Variants in KCNQ1 observed in about 807,000 individuals in gnomAD.
KCNQ1 encodes potassium voltage-gated channel subfamily KQT member 1.
KCNQ1 carries 49 observed loss-of-function variants against 72.4 expected under a neutral mutation model. The ratio of observed to expected loss-of-function variants is 0.68; its 90% CI spans 0.54 to 0.86. KCNQ1 has a LOEUF of 0.86. Among genes scored for constraint, KCNQ1 ranks in the 40% least tolerant of loss-of-function variants. The pLI, the probability that KCNQ1 is intolerant of heterozygous loss-of-function variation, is 0.00. For missense variants in KCNQ1, 790 were observed against 945.1 expected (o/e 0.84, Z 2.15); for synonymous variants, 450 against 412.6 (o/e 1.09, Z -1.10).
chr11:2,830,402 G>A lies in KCNQ1; in HGVS notation c.1795-17365G>A, dbSNP rs1482847417. Reference sequence around the variant, plus strand: ...TATCTTAGATGATCTCCAAGGCCCCGGGATCTAAGTCCCTGTTAAGTCCCC... The same window carrying A: ...TATCTTAGATGATCTCCAAGGCCCCAGGATCTAAGTCCCTGTTAAGTCCCC... On this transcript the variant is annotated intron_variant, in intron 15 of 15. Coordinates refer to ENST00000155840, the MANE Select transcript of KCNQ1 (RefSeq NM_000218.3). This position sits in a 1 kb window ranked among gnomAD's most constrained non-coding sequence, Gnocchi z 7.7. 5.9e-5 allele frequency among the ~76,000 whole-genome samples: 9 copies of A among 152,060 alleles called. No homozygotes were observed. The highest frequency in any genetic ancestry group is 1.0e-4 in the Non-Finnish European group (7 of 67,984).
At chr11:2,700,004 C>G (rs1158279310) in intron 11 of KCNQ1, 13 of 398,142 alleles carry the variant, frequency 3.3e-5, no homozygotes, top group Non-Finnish European at 5.8e-5. Context: ...TGCCTGGAGA[C>G]TGCGGCAGCG....
Position 2,661,246 on chromosome 11 carries a change from A to C in KCNQ1, c.1394-715A>C. 2.5e-6 allele frequency: 1 copy of C among 399,198 alleles called. No homozygotes were observed. The highest frequency in any genetic ancestry group is 4.4e-5 in the Admixed American group (1 of 22,810). The allele number at this position is 399,198 out of a possible 1,614,324, so 24.7% of individuals were successfully genotyped here. On this transcript the variant is annotated intron_variant, in intron 10 of 15. Transcript: ENST00000155840. This position sits in a 1 kb window ranked among gnomAD's most constrained non-coding sequence, Gnocchi z 5.9. ...CAGATGAGTACTTAATCCTTTTGCA[A>C]TAAAATATTTAAATGAAGACAAATA...
Position 2,559,601 on chromosome 11 carries a change from A to C in KCNQ1, c.478-11027A>C, listed in dbSNP as rs965191642. On this transcript the variant is annotated intron_variant, in intron 2 of 15. Transcript: ENST00000155840. This position sits in a 1 kb window ranked among gnomAD's most constrained non-coding sequence, Gnocchi z 4.9. ...GATGGGAACGGCCATCCCCATGACG[A>C]CCCAGCAAGTCCCTTGCCTCTCTCG... 3.9e-5 allele frequency among the ~76,000 whole-genome samples: 6 copies of C among 152,124 alleles called. No homozygotes were observed. Among genetic ancestry groups the C allele is most frequent in the African/African-American group, 1.4e-4 (6 of 41,410 alleles).
At chr11:2,530,045 C>T (rs1847592016) in intron 2 of KCNQ1, among the ~76,000 whole-genome samples, 1 of 152,196 alleles carries the variant, frequency 6.6e-6, no homozygotes, top group Non-Finnish European at 1.5e-5. Flanking sequence ...TCACATTGTA[C>T]TCTCATGCTT....
intron 2 of KCNQ1, among the ~76,000 whole-genome samples, chr11:2,555,784 T>C (rs115550857): frequency 0.014 from 2,140 of 152,350 alleles, 58 homozygotes; most frequent in African/African-American, 0.047. Flanking sequence ...CACTGGCACA[T>C]TGAGTTCTGC....
At chr11:2,693,134 C>A (rs1210143311) in intron 11 of KCNQ1, 1 of 398,552 alleles carries the variant, frequency 2.5e-6, no homozygotes, top group South Asian at 1.3e-4. Flanking sequence ...CTGTCAATCA[C>A]CAGATAGCCC....
At chr11:2,628,059 G>A (rs1386569853) in intron 10 of KCNQ1, 1 of 398,584 alleles carries the variant, frequency 2.5e-6, no homozygotes, top group East Asian at 3.6e-5. Context: ...TGAATACTAT[G>A]TTGCTCATTT....
intron 10 of KCNQ1, chr11:2,644,979 G>T: frequency 2.5e-6 from 1 of 398,682 alleles, no homozygotes; most frequent in Non-Finnish European, 4.4e-6. Context: ...CCCAATGGTA[G>T]TGTATGCTGG....
rs989588602 is a variant in KCNQ1, at chr11:2,824,882, C to A, written c.1795-22885C>A. ...CCGGAGGGTACACTGATCAGGGACA[C>A]GAGTTCCCCTGCCGGGCACAGAGCA... On this transcript the variant is annotated intron_variant, in intron 15 of 15. Coordinates refer to ENST00000155840, the MANE Select transcript of KCNQ1 (RefSeq NM_000218.3). The surrounding 1 kb of genome is among the most constrained non-coding windows in gnomAD (Gnocchi z 5.9). Among the ~76,000 whole-genome samples the A allele has an allele frequency of 6.6e-6, 1 of 152,356 alleles. No individual in the cohort carries two copies. The highest frequency in any genetic ancestry group is 1.9e-4 in the East Asian group (1 of 5,180).
At position 2,532,255 on chromosome 11, in the gene KCNQ1, G is replaced by A. The variant is rs2133658721; in HGVS notation, c.477+4237G>A. Among the ~76,000 whole-genome samples, 2 of 152,282 alleles carry A rather than the reference G, an allele frequency of 1.3e-5. 1 individual carries two copies. The highest frequency in any genetic ancestry group is 4.1e-4 in the South Asian group (2 of 4,830). ...CCCCGTGGCTGCGCTAACCCCACAA[G>A]CTCTGCATGGCGCTTCCTGGCCGTG... is the stretch of plus-strand genomic sequence containing the variant. On this transcript the variant is annotated intron_variant, in intron 2 of 15. Coordinates refer to ENST00000155840, the MANE Select transcript of KCNQ1 (RefSeq NM_000218.3).
rs58203092 is a variant in KCNQ1 at position 2,620,948 on chromosome 11, G to GTTTT, written c.1393+32100_1393+32103dup. ...TTTTTTGTTGTTGTTGTTTTGTTTT[G>GTTTT]TTTTTTTTTGTCTGTTTTTTGCTTT... On this transcript the variant is annotated intron_variant, in intron 10 of 15. Coordinates refer to ENST00000155840, the MANE Select transcript of KCNQ1 (RefSeq NM_000218.3). The surrounding 1 kb of genome is among the most constrained non-coding windows in gnomAD (Gnocchi z 4.5). 14,624 of 355,802 alleles carry GTTTT rather than the reference G, an allele frequency of 0.041. 6 individuals are homozygous for GTTTT. The highest frequency in any genetic ancestry group is 0.1 in the East Asian group (2,122 of 21,284). 22.0% of individuals were successfully genotyped at this position (355,802 alleles called of 1,614,324 possible). A position where few individuals can be genotyped will look rare whatever the true frequency, so the allele number is the denominator to read the frequency against.
intron 15 of KCNQ1, among the ~76,000 whole-genome samples, chr11:2,831,622 CCCCCGCTT>C (rs909052193): frequency 6.6e-6 from 1 of 151,426 alleles, no homozygotes; most frequent in African/African-American, 2.4e-5. Flanking sequence ...GCTCCTCTCT[CCCCCGCTT>C]CCTTCCACAT....
Position 2,523,939 on chromosome 11 carries a change from C to T in KCNQ1, c.387-3989C>T, listed in dbSNP as rs538799998. ...AGAGGCTGGGGCAGTGGCGTGGATT[C>T]GGGTGCATGACTCGCAGACATGGCT... On this transcript the variant is annotated intron_variant, in intron 1 of 15. Transcript: ENST00000155840. Among the ~76,000 whole-genome samples, 3 of 151,976 alleles carry T rather than the reference C, an allele frequency of 2.0e-5. No individual in the cohort carries two copies. The East Asian group carries it at 5.8e-4, about 29-fold the overall frequency.
chr11:2,704,076 G>A lies in KCNQ1; in HGVS notation c.1514+41995G>A, dbSNP rs1190535838. 6.6e-6 allele frequency among the ~76,000 whole-genome samples: 1 copy of A among 152,230 alleles called. No individual in the cohort carries two copies. ...CAGCCCTTGCAGTTGGCAGTCTGTG[G>A]CCCCTCCTCGGTCCCCTTCAGTGAG... On this transcript the variant is annotated intron_variant, in intron 11 of 15. Coordinates refer to ENST00000155840, the MANE Select transcript of KCNQ1 (RefSeq NM_000218.3). The surrounding 1 kb of genome is among the most constrained non-coding windows in gnomAD (Gnocchi z 4.3).
chr11:2,559,744 A>T lies in KCNQ1; in HGVS notation c.478-10884A>T, dbSNP rs565539563. 2.0e-5 allele frequency among the ~76,000 whole-genome samples: 3 copies of T among 152,200 alleles called. No individual in the cohort carries two copies. Among genetic ancestry groups the T allele is most frequent in the African/African-American group, 7.2e-5 (3 of 41,538 alleles). ...CATTAACGGGGAGACAAGCACACAG[A>T]GCAGCTGGCCGATTGCAGCTCTGAA... On this transcript the variant is annotated intron_variant, in intron 2 of 15. Transcript: ENST00000155840. The surrounding 1 kb of genome is among the most constrained non-coding windows in gnomAD (Gnocchi z 4.9).
Position 2,654,814 on chromosome 11 carries a change from C to G in KCNQ1, c.1394-7147C>G, listed in dbSNP as rs1849814444. ...GGGAACAGAAAGCCTCAAAGACTTT[C>G]ATGATAGGAGAGCTCTATGTAGCCT... On this transcript the variant is annotated intron_variant, in intron 10 of 15. Coordinates refer to ENST00000155840, the MANE Select transcript of KCNQ1 (RefSeq NM_000218.3). The surrounding 1 kb of genome is among the most constrained non-coding windows in gnomAD (Gnocchi z 6.4). 2.5e-6 allele frequency: 1 copy of G among 398,520 alleles called. No homozygotes were observed. 24.7% of individuals were successfully genotyped at this position (398,520 alleles called of 1,614,324 possible).
In KCNQ1 at chr11:2,515,910, C is replaced by A. The variant is rs1389549907; in HGVS notation, c.387-12018C>A. Among the ~76,000 whole-genome samples the A allele has an allele frequency of 6.6e-6, 1 of 151,912 alleles. No homozygotes were observed. The highest frequency in any genetic ancestry group is 1.5e-5 in the Non-Finnish European group (1 of 67,986). ...TTCCTGCTTGCACCCCAGAGCCTGGCCACCCCTGTCCTCTGCTGAGGCCCT... is the reference window on the plus strand; with the variant it reads ...TTCCTGCTTGCACCCCAGAGCCTGGACACCCCTGTCCTCTGCTGAGGCCCT... On this transcript the variant is annotated intron_variant, in intron 1 of 15. Coordinates refer to ENST00000155840, the MANE Select transcript of KCNQ1 (RefSeq NM_000218.3). This position sits in a 1 kb window ranked among gnomAD's most constrained non-coding sequence, Gnocchi z 4.7.
At chr11:2,708,756 G>A (rs954541960) in intron 11 of KCNQ1, among the ~76,000 whole-genome samples, 1 of 152,276 alleles carries the variant, frequency 6.6e-6, no homozygotes, top group East Asian at 1.9e-4. Context: ...CTCTCCCCAG[G>A]CCAATGGCCA....
At chr11:2,794,327 G>A (rs1847088909) in intron 15 of KCNQ1, among the ~76,000 whole-genome samples, 1 of 152,226 alleles carries the variant, frequency 6.6e-6, no homozygotes, top group Admixed American at 6.5e-5. Flanking sequence ...CCCCCACGTG[G>A]GGATGCTTTG....
Sources: allele counts gnomAD v4.1 joint callset (sites outside exome capture counted in the v4.1 genomes callset), GRCh38; gene constraint gnomAD v4.1.1; non-coding constraint Gnocchi (gnomAD v3.1); transcripts MANE v1.5; gene names NCBI Gene and HGNC (gene_info 2026-07-23, HGNC 2026-07-21).